The following AK4 variants were observed in gnomAD, a reference collection of about 807,000 sequenced individuals.
AK4 encodes the protein adenylate kinase 4, mitochondrial.
AK4 carries 13 observed loss-of-function variants against 24.6 expected under a neutral mutation model. That is an observed-to-expected ratio of 0.53 (90% CI 0.34 to 0.84). The LOEUF (loss-of-function observed/expected upper bound fraction) is 0.84. Ranked by LOEUF, AK4 falls within the 40% of genes least tolerant of loss-of-function variation. AK4 has a pLI of 0.01. For synonymous variants in AK4, 88 were observed against 107.0 expected (o/e 0.82, Z 1.10); for missense variants, 192 against 288.2 (o/e 0.67, Z 2.42).
intron 1 of AK4, among the ~76,000 whole-genome samples, chr1:65,162,126 C>A (rs1038226109): frequency 5.3e-5 from 8 of 152,102 alleles, no homozygotes; most frequent in African/African-American, 1.7e-4. Flanking sequence ...TGGTGCAGGC[C>A]TGTAGTCCCA....
intron 1 of AK4, among the ~76,000 whole-genome samples, chr1:65,178,233 A>G (rs76156405): frequency 0.014 from 2,104 of 152,222 alleles, 51 homozygotes; most frequent in African/African-American, 0.049. Flanking sequence ...GGATTTGTAA[A>G]CAATGTCTGT....
At chr1:65,147,761 G>A (rs1179024445), upstream of AK4, 1 of 152,348 alleles carries the variant, frequency 6.6e-6, no homozygotes, top group Non-Finnish European at 1.5e-5. Flanking sequence ...ACCCCGGGCG[G>A]AGGTGGGCCC....
chr1:65,204,803 A>C (rs1436148375), intron 2 of AK4, among the ~76,000 whole-genome samples: 1 of 152,076 alleles, frequency 6.6e-6, no homozygotes, highest in Non-Finnish European at 1.5e-5. Flanking sequence ...AATTTATTAC[A>C]GTTTTCTTCT....
chr1:65,169,522 G>A (rs560948249), intron 1 of AK4, among the ~76,000 whole-genome samples: 1 of 152,198 alleles, frequency 6.6e-6, no homozygotes, highest in African/African-American at 2.4e-5. Flanking sequence ...TAATGATAGA[G>A]CTAACACACA....
intron 1 of AK4, among the ~76,000 whole-genome samples, chr1:65,184,451 G>A (rs572613887): frequency 6.6e-6 from 1 of 152,266 alleles, no homozygotes; most frequent in South Asian, 2.1e-4. Flanking sequence ...TTAAGAAAAA[G>A]GCAAAGATAG....
At chr1:65,208,119 A>G (rs375160770) in intron 2 of AK4, among the ~76,000 whole-genome samples, 2 of 152,228 alleles carry the variant, frequency 1.3e-5, no homozygotes, top group East Asian at 3.8e-4. Flanking sequence ...AGTGCTTTCC[A>G]CAGTGGCTGC....
Position 65,212,203 on chromosome 1 carries a change from G to A in AK4, c.266-6551G>A, listed in dbSNP as rs143042913. Reference sequence around the variant, plus strand: ...CATGTAATATATCTGGCACATAAGGGATGCTCTACAAATGGTAACTGTGTT... The same window carrying A: ...CATGTAATATATCTGGCACATAAGGAATGCTCTACAAATGGTAACTGTGTT... On this transcript the variant is annotated intron_variant, in intron 2 of 4. Transcript: ENST00000327299. Among the ~76,000 whole-genome samples, 13 of 152,300 alleles carry A rather than the reference G, an allele frequency of 8.5e-5. No individual in the cohort carries two copies. In the East Asian group the frequency reaches 2.5e-3, roughly 29 times the overall value.
intron 1 of AK4, among the ~76,000 whole-genome samples, chr1:65,187,731 G>A (rs1208512936): frequency 6.6e-6 from 1 of 152,196 alleles, no homozygotes; most frequent in East Asian, 1.9e-4. Flanking sequence ...TTAATTAATG[G>A]TGGTGGTTGT....
rs34143736 is a variant in AK4, at chr1:65,202,866, C to CTTTTTT, written c.265+12055_265+12060dup. On this transcript the variant is annotated intron_variant, in intron 2 of 4. Coordinates refer to ENST00000327299, the MANE Select transcript of AK4 (RefSeq NM_013410.4). ...TGTAACTTACAAGCTGCTGTGTAGT[C>CTTTTTT]TTTTTTTTTTTTTTTTTTTTTTTAA... is the stretch of plus-strand genomic sequence containing the variant. Among the ~76,000 whole-genome samples, 818 of 91,800 alleles carry CTTTTTT rather than the reference C, an allele frequency of 8.9e-3. 48 individuals carry two copies. The highest frequency in any genetic ancestry group is 0.013 in the East Asian group (31 of 2,334). 60.2% of individuals were successfully genotyped at this position (91,800 alleles called of 152,430 possible). A position where few individuals can be genotyped will look rare whatever the true frequency, so the allele number is the denominator to read the frequency against.
intron 1 of AK4, among the ~76,000 whole-genome samples, chr1:65,155,965 C>T (rs1156827163): frequency 6.6e-6 from 1 of 151,942 alleles, no homozygotes; most frequent in Non-Finnish European, 1.5e-5. Flanking sequence ...CCACCTTCCA[C>T]ACACACACAC....
chr1:65,219,738 G>A (rs2101086870), intron 3 of AK4, among the ~76,000 whole-genome samples: 1 of 152,198 alleles, frequency 6.6e-6, no homozygotes, highest in South Asian at 2.1e-4. Flanking sequence ...ATATAGAAAA[G>A]TTATTAACTA....
intron 1 of AK4, among the ~76,000 whole-genome samples, chr1:65,168,482 G>A (rs2101004047): frequency 6.6e-6 from 1 of 151,824 alleles, no homozygotes; most frequent in South Asian, 2.1e-4. Flanking sequence ...TAAAGATGAG[G>A]GTCTCTGTTA....
chr1:65,222,463 T>C (rs1375563814), intron 3 of AK4, among the ~76,000 whole-genome samples: 2 of 152,168 alleles, frequency 1.3e-5, no homozygotes, highest in Non-Finnish European at 1.5e-5. Context: ...AGTGATTTCT[T>C]CTTAACTCCT....
chr1:65,152,350 C>A (rs55923786), intron 1 of AK4, among the ~76,000 whole-genome samples: 150 of 44,600 alleles, frequency 3.4e-3, no homozygotes, highest in African/African-American at 0.012. Context: ...CTCTCTCTCT[C>A]TCTCTCTCTC....
At chr1:65,166,407 T>A (rs1650331401) in intron 1 of AK4, among the ~76,000 whole-genome samples, 1 of 152,022 alleles carries the variant, frequency 6.6e-6, no homozygotes, top group Admixed American at 6.6e-5. Context: ...CTATTAGTTG[T>A]GCTGTCCTTC....
intron 4 of AK4, 23 bp downstream of exon 4, chr1:65,224,893 A>C: frequency 6.3e-7 from 1 of 1,576,214 alleles, no homozygotes; most frequent in Non-Finnish European, 8.7e-7. Flanking sequence ...CAATATTTTC[A>C]TGACAAAGGA....
chr1:65,195,619 G>A (rs1286652053), intron 2 of AK4, among the ~76,000 whole-genome samples: 1 of 152,164 alleles, frequency 6.6e-6, no homozygotes. Flanking sequence ...TCCCCGCTCT[G>A]CCACTTTCTG....
chr1:65,192,383 T>A (rs964974941), intron 2 of AK4, among the ~76,000 whole-genome samples: 6 of 152,186 alleles, frequency 3.9e-5, no homozygotes, highest in Admixed American at 2.6e-4. Context: ...GAGCATTAAC[T>A]CATTCATGAG....
rs373292333 is a variant in AK4, at chr1:65,222,117, A to G, written c.439-2635A>G. ...GGTGAGGAGATGGTGTCTGATTTAC[A>G]TAGGGCTCACAGATTGTTTGGATCA... is the stretch of plus-strand genomic sequence containing the variant. On this transcript the variant is annotated intron_variant, in intron 3 of 4. Coordinates refer to ENST00000327299, the MANE Select transcript of AK4 (RefSeq NM_013410.4). 1.1e-4 allele frequency among the ~76,000 whole-genome samples: 17 copies of G among 152,314 alleles called. No homozygotes were observed. The East Asian group carries it at 3.1e-3, about 28-fold the overall frequency.
Sources: allele counts gnomAD v4.1 joint callset (sites outside exome capture counted in the v4.1 genomes callset), GRCh38; gene constraint gnomAD v4.1.1; transcripts MANE v1.5; gene names NCBI Gene and HGNC (gene_info 2026-07-23, HGNC 2026-07-21).